The following SLC36A1 variants were observed in gnomAD, a reference collection of about 807,000 sequenced individuals.
The protein encoded by SLC36A1 is proton-coupled amino acid transporter 1.
Under a neutral mutation model 47.5 loss-of-function variants are expected in SLC36A1, and 30 were observed. That is an observed-to-expected ratio of 0.63 (90% CI 0.47 to 0.86). The LOEUF is 0.86. Among genes scored for constraint, SLC36A1 ranks in the 40% least tolerant of loss-of-function variants. The pLI, the probability that SLC36A1 is intolerant of heterozygous loss-of-function variation, is 0.00. For missense variants in SLC36A1, 517 were observed against 606.0 expected, an observed-to-expected ratio of 0.85 and a Z score of 1.54; for synonymous variants, 255 against 249.7, an observed-to-expected ratio of 1.02 and a Z score of -0.20.
rs565814797 is a variant in SLC36A1, at chr5:151,438,946, G to A, written c.-6+1767G>A. 5.9e-5 allele frequency among the ~76,000 whole-genome samples: 9 copies of A among 152,056 alleles called. No homozygotes were observed. The South Asian group carries it at 8.3e-4, about 14-fold the overall frequency. On this transcript the variant is annotated intron_variant, in intron 1 of 8. Coordinates refer to the SLC36A1 transcript ENST00000429484. ...ATAATGTTTTATTGGGTATTAGTTC[G>A]TTCTAACACTGTATTAGTTTGTTCT...
the SLC36A1 span, among the ~76,000 whole-genome samples, chr5:151,527,531 T>C: frequency 1.3e-5 from 2 of 152,066 alleles, no homozygotes; most frequent in Non-Finnish European, 2.9e-5. Context: ...GGGCTTAGGT[T>C]CTGGAGTCAG....
chr5:151,453,704 G>A (rs1754013406), intron 1 of SLC36A1, among the ~76,000 whole-genome samples: 1 of 151,722 alleles, frequency 6.6e-6, no homozygotes, highest in African/African-American at 2.4e-5. Context: ...ATGTTCTCCT[G>A]AGTCCTGAAT....
chr5:151,524,635 A>G, the SLC36A1 span, among the ~76,000 whole-genome samples: 1 of 152,150 alleles, frequency 6.6e-6, no homozygotes, highest in East Asian at 1.9e-4. Flanking sequence ...CTCACTCTCA[A>G]AGATCACAGT....
intron 10 of SLC36A1, among the ~76,000 whole-genome samples, chr5:151,480,593 G>C (rs999898560): frequency 6.6e-6 from 1 of 152,214 alleles, no homozygotes; most frequent in Non-Finnish European, 1.5e-5. Flanking sequence ...TGTTCCCACA[G>C]CGACTGAAAA....
At chr5:151,423,627 G>A in the SLC36A1 span, among the ~76,000 whole-genome samples, 1 of 152,202 alleles carries the variant, frequency 6.6e-6, no homozygotes, top group South Asian at 2.1e-4. Context: ...GTGGCCAGGG[G>A]TTGTGGGAGA....
intron 2 of SLC36A1, 39 bp downstream of exon 2, chr5:151,458,974 C>T (rs750500322): frequency 1.5e-5 from 23 of 1,575,024 alleles, no homozygotes; most frequent in East Asian, 4.5e-5. Context: ...GGGTGGGATT[C>T]GTGTTCCTAA....
At chr5:151,537,838 G>A in the SLC36A1 span, 5 of 1,614,142 alleles carry the variant, frequency 3.1e-6, no homozygotes, top group Non-Finnish European at 4.2e-6. Context: ...GGGCCATGCA[G>A]AGAATATGTG....
chr5:151,517,811 A>G, the SLC36A1 span: 1 of 1,608,166 alleles, frequency 6.2e-7, no homozygotes, highest in Non-Finnish European at 8.5e-7. Flanking sequence ...AGTGGTCCCC[A>G]TTGAGCCCTT....
At chr5:151,535,508 G>A in the SLC36A1 span, among the ~76,000 whole-genome samples, 258 of 152,164 alleles carry the variant, frequency 1.7e-3, no homozygotes, top group Non-Finnish European at 2.6e-3. Flanking sequence ...AGGGTGGTGC[G>A]CCCAGGGAGG....
the SLC36A1 span, among the ~76,000 whole-genome samples, chr5:151,428,241 C>T: frequency 6.6e-6 from 1 of 152,174 alleles, no homozygotes; most frequent in Non-Finnish European, 1.5e-5. Flanking sequence ...TACTCTAAAT[C>T]CTGACTGATA....
chr5:151,494,219 C>T (rs538061094), downstream of SLC36A1, among the ~76,000 whole-genome samples: 6 of 152,152 alleles, frequency 3.9e-5, no homozygotes, highest in East Asian at 3.9e-4. Context: ...TTGCCCATTG[C>T]GGTTGTGCTG....
At position 151,488,465 on chromosome 5, in the gene SLC36A1, G is replaced by A; in HGVS notation, c.*211G>A. ...ACACGCAGAAGTGCTACTAGTGACA[G>A]GGCTGCCATCGCTCACCTGTACCTA... On this transcript the variant is annotated 3_prime_UTR_variant, in exon 11 of 11. Coordinates refer to ENST00000243389, the MANE Select transcript of SLC36A1 (RefSeq NM_078483.4). 1.6e-6 allele frequency: 1 copy of A among 620,814 alleles called. No individual in the cohort carries two copies. Among genetic ancestry groups the A allele is most frequent in the East Asian group, 2.8e-5 (1 of 35,316 alleles). 38.5% of individuals were successfully genotyped at this position (620,814 alleles called of 1,614,324 possible).
At chr5:151,532,999 G>A in the SLC36A1 span, among the ~76,000 whole-genome samples, 5 of 152,248 alleles carry the variant, frequency 3.3e-5, no homozygotes, top group Admixed American at 2.6e-4. Flanking sequence ...GAGAGATGCT[G>A]GTCAAACCAC....
intron 1 of SLC36A1, among the ~76,000 whole-genome samples, chr5:151,448,064 A>C (rs540671990): frequency 6.6e-6 from 1 of 152,342 alleles, no homozygotes; most frequent in South Asian, 2.1e-4. Context: ...CGCTTCGCAC[A>C]GGTCTCCCCG....
chr5:151,419,726 A>T, the SLC36A1 span, among the ~76,000 whole-genome samples: 1 of 152,182 alleles, frequency 6.6e-6, no homozygotes, highest in Non-Finnish European at 1.5e-5. Context: ...ATGCAGCTGG[A>T]CTGGGGATCA....
chr5:151,467,058 C>T lies in SLC36A1; in HGVS notation c.420-141C>T, dbSNP rs950238232. 3.2e-5 allele frequency: 21 copies of T among 647,616 alleles called. No individual in the cohort carries two copies. The East Asian group carries it at 5.3e-4, about 16-fold the overall frequency. 40.1% of individuals were successfully genotyped at this position (647,616 alleles called of 1,614,324 possible). On this transcript the variant is annotated intron_variant, in intron 5 of 10. Transcript: ENST00000243389. ...TACACTAAACGCCCAGGCACTACCA[C>T]TATGCAGTATATCCATTTAACAAAA...
chr5:151,410,341 T>C, the SLC36A1 span, among the ~76,000 whole-genome samples: 2 of 144,616 alleles, frequency 1.4e-5, no homozygotes, highest in Non-Finnish European at 3.0e-5. Flanking sequence ...TCTTTTTTTT[T>C]TCCAAATATG....
the SLC36A1 span, among the ~76,000 whole-genome samples, chr5:151,413,805 G>A: frequency 2.0e-5 from 3 of 151,944 alleles, no homozygotes; most frequent in African/African-American, 4.8e-5. Flanking sequence ...AGATGCACCT[G>A]TAGATTCATT....
At chr5:151,481,715 G>A (rs1171424464) in intron 10 of SLC36A1, among the ~76,000 whole-genome samples, 1 of 151,880 alleles carries the variant, frequency 6.6e-6, no homozygotes, top group African/African-American at 2.4e-5. Context: ...TGGCTGATAC[G>A]GACTTTGTGA....
Sources: gnomAD v4.1 joint callset for allele counts (sites outside exome capture counted in the v4.1 genomes callset) on GRCh38, gnomAD v4.1.1 for gene constraint, MANE v1.5 for transcripts, NCBI Gene and HGNC (gene_info 2026-07-23, HGNC 2026-07-21) for gene names.